Variants in MCAT observed in about 807,000 individuals in gnomAD.
The protein encoded by MCAT is malonyl-CoA-acyl carrier protein transacylase, mitochondrial.
A neutral mutation model predicts 22.9 loss-of-function variants in MCAT; 22 were observed. The ratio of observed to expected loss-of-function variants is 0.96; its 90% CI spans 0.69 to 1.37. The LOEUF (loss-of-function observed/expected upper bound fraction) is 1.37, where lower values mean the gene tolerates loss of function less well. Ranked by LOEUF, MCAT falls within the 40% of genes most tolerant of loss-of-function variation. The pLI, the probability that MCAT is intolerant of heterozygous loss-of-function variation, is 0.00. For synonymous variants in MCAT, 240 were observed against 233.9 expected (o/e 1.03, Z -0.24); for missense variants, 534 against 533.6 (o/e 1.00, Z -0.01).
At position 43,141,072 on chromosome 22, in the gene MCAT, G is replaced by A. The variant is rs116938228; in HGVS notation, c.511+90C>T. On this transcript the variant is annotated intron_variant, in intron 2 of 3. Transcript: ENST00000290429. ...TCCATGTGCTCCCTTCCCATCACCT[G>A]AGTGGGTCCAGTATCATTTTTGGCA... 7.0e-4 allele frequency: 685 copies of A among 977,704 alleles called. 9 individuals carry two copies. The East Asian group carries it at 0.01, about 15-fold the overall frequency. The allele number at this position is 977,704 out of a possible 1,614,324, so 60.6% of individuals were successfully genotyped here.
rs539043248 is a variant in MCAT, at chr22:43,134,473, G to C, written c.730-987C>G. On this transcript the variant is annotated intron_variant, in intron 3 of 3. Transcript: ENST00000290429. ...AGCAATGCTCCTGCCTCAGCCTCCCGAGTAGCTGGGACTATAAGCATGTAC... is the reference window on the plus strand; with the variant it reads ...AGCAATGCTCCTGCCTCAGCCTCCCCAGTAGCTGGGACTATAAGCATGTAC... 3.2e-4 allele frequency among the ~76,000 whole-genome samples: 49 copies of C among 152,212 alleles called. 1 individual carries two copies. The highest frequency in any genetic ancestry group is 4.6e-4 in the Admixed American group (7 of 15,288).
At chr22:43,134,392 G>C (rs984965783) in intron 3 of MCAT, among the ~76,000 whole-genome samples, 3 of 152,128 alleles carry the variant, frequency 2.0e-5, no homozygotes, top group Non-Finnish European at 4.4e-5. Flanking sequence ...CTGTCACCCA[G>C]GCTGGAGTGC....
chr22:43,142,878 C>A, intron 1 of MCAT, 48 bp downstream of exon 1: 1 of 1,441,004 alleles, frequency 6.9e-7, no homozygotes. Context: ...GCCAAGAGCT[C>A]AGGCAGAGCT....
At chr22:43,140,000 GA>G (rs1930724777) in intron 2 of MCAT, among the ~76,000 whole-genome samples, 1 of 152,082 alleles carries the variant, frequency 6.6e-6, no homozygotes, top group Admixed American at 6.5e-5. Context: ...GCACTGCAGT[GA>G]AATTCACATA....
chr22:43,133,288 C>G lies in MCAT; in HGVS notation c.928G>C (p.Gly310Arg), dbSNP rs144085201. The change falls in exon 4 of 4, where the codon GGG becomes CGG. Residue 310 changes from glycine to arginine, a missense_variant. Coordinates refer to ENST00000290429, the MANE Select transcript of MCAT (RefSeq NM_173467.5). ...NVHAHRYRHP[G>R]HIHKLLAQQL... ...TGGGCCAGCAGCTTGTGGATGTGCC[C>G]GGGATGCCTGTATCTATGCGCGTGG... is the stretch of plus-strand genomic sequence containing the variant. 2 of 1,614,166 alleles carry G rather than the reference C, an allele frequency of 1.2e-6. No homozygotes were observed. The highest frequency in any genetic ancestry group is 1.7e-6 in the Non-Finnish European group (2 of 1,180,018).
At chr22:43,136,520 G>T in intron 3 of MCAT, among the ~76,000 whole-genome samples, 1 of 152,246 alleles carries the variant, frequency 6.6e-6, no homozygotes, top group East Asian at 1.9e-4. Context: ...TGAGTAGCCA[G>T]CCAGACCCTC....
chr22:43,135,171 T>C (rs1010428955), intron 3 of MCAT, among the ~76,000 whole-genome samples: 1 of 152,222 alleles, frequency 6.6e-6, no homozygotes, highest in African/African-American at 2.4e-5. Flanking sequence ...GGGGTACCCC[T>C]GCCCTCACCT....
At position 43,133,340 on chromosome 22, in the gene MCAT, C is replaced by T. The variant is rs1342739605; in HGVS notation, c.876G>A (p.Lys292=). The T allele has an allele frequency of 6.2e-7, 1 of 1,614,062 alleles. No individual in the cohort carries two copies. The highest frequency in any genetic ancestry group is 1.3e-5 in the African/African-American group (1 of 74,910). The change falls in exon 4 of 4, where the codon AAG becomes AAA. Residue 292 remains lysine, a synonymous_variant. Transcript: ENST00000290429. ...CGTTGGAGTAGACAGAAACCAGAGG[C>T]TTCTTAATGTCGACTGCCTTTAAAG... ...TQALKAVDIK[K]PLVSVYSNVH... is the part of the protein sequence containing the mutation.
chr22:43,132,430 A>C lies in MCAT; in HGVS notation c.*613T>G, dbSNP rs1930472460. On this transcript the variant is annotated 3_prime_UTR_variant, in exon 4 of 4. Coordinates refer to ENST00000290429, the MANE Select transcript of MCAT (RefSeq NM_173467.5). ...ACTCCCCACACCCCGCACCTCACTC[A>C]AGGACCTTTCTACCAGAACAGAGCG... 6.5e-6 allele frequency: 1 copy of C among 153,490 alleles called. No homozygotes were observed. Among genetic ancestry groups the C allele is most frequent in the Non-Finnish European group, 1.4e-5 (1 of 69,006 alleles). The allele number at this position is 153,490 out of a possible 1,614,324, so 9.5% of individuals were successfully genotyped here.
chr22:43,143,019 C>CG lies in MCAT; in HGVS notation c.329dup (p.Gln111AlafsTer34), dbSNP rs773896604. Reference sequence around the variant, plus strand: ...GCACGGTGCGGTCCAGGGTCTCCTGCGGCCCGTGCAGGCTCAGTTCCAGCA... The same window carrying CG: ...GCACGGTGCGGTCCAGGGTCTCCTGCGGGCCCGTGCAGGCTCAGTTCCAGCA... On this transcript the variant is annotated frameshift_variant, in exon 1 of 4. Transcript: ENST00000290429. LOFTEE classifies it high-confidence loss of function. The CG allele has an allele frequency of 6.2e-7, 1 of 1,609,124 alleles. No individual in the cohort carries two copies. Among genetic ancestry groups the CG allele is most frequent in the Non-Finnish European group, 8.5e-7 (1 of 1,178,440 alleles).
intron 2 of MCAT, among the ~76,000 whole-genome samples, chr22:43,138,606 G>A (rs1404075525): frequency 6.6e-6 from 1 of 152,152 alleles, no homozygotes; most frequent in East Asian, 1.9e-4. Flanking sequence ...GCGTGGCAGT[G>A]TGCGCCTGTG....
chr22:43,137,593 G>A (rs548081233), intron 2 of MCAT, among the ~76,000 whole-genome samples: 3 of 152,330 alleles, frequency 2.0e-5, no homozygotes, highest in South Asian at 2.1e-4. Context: ...GTCCGGAGAC[G>A]TTTTCCGGTT....
chr22:43,135,341 A>G (rs1454902322), intron 3 of MCAT, among the ~76,000 whole-genome samples: 1 of 152,112 alleles, frequency 6.6e-6, no homozygotes, highest in Non-Finnish European at 1.5e-5. Context: ...CGTCTCTAAT[A>G]AAAATACAAA....
At position 43,137,239 on chromosome 22, in the gene MCAT, TG is replaced by T. The variant is rs765236447; in HGVS notation, c.570del (p.Ser191ValfsTer28). 5 of 1,614,188 alleles carry T rather than the reference TG, an allele frequency of 3.1e-6. No individual in the cohort carries two copies. The South Asian group carries it at 4.4e-5, about 14-fold the overall frequency. ...EAMQEASEAV[P>X]SGMLSVLGQP... is the part of the protein sequence containing the mutation. The stretch of plus-strand genomic sequence containing the variant: ...TGGCCGAGGACAGACAGCATCCCAC[TG>T]GGGACAGCTTCTGAAGCTTCCTGCA... On this transcript the variant is annotated frameshift_variant, in exon 3 of 4. Coordinates refer to ENST00000290429, the MANE Select transcript of MCAT (RefSeq NM_173467.5). LOFTEE classifies it high-confidence loss of function.
chr22:43,134,962 GC>G (rs2147032652), intron 3 of MCAT, among the ~76,000 whole-genome samples: 1 of 152,354 alleles, frequency 6.6e-6, no homozygotes, highest in Admixed American at 6.5e-5. Context: ...GTCTCAAAGT[GC>G]TTTCCGTGTA....
At position 43,142,440 on chromosome 22, in the gene MCAT, C is replaced by G. The variant is rs536001638; in HGVS notation, c.423+486G>C. Among the ~76,000 whole-genome samples, 4 of 151,864 alleles carry G rather than the reference C, an allele frequency of 2.6e-5. No individual in the cohort carries two copies. In the South Asian group the frequency reaches 8.3e-4, roughly 32 times the overall value. ...AGGCAGAGGTTGCAGTGAGCCAAGA[C>G]TGCGCCATTGCACTCCAGCCTGGGT... On this transcript the variant is annotated intron_variant, in intron 1 of 3. Coordinates refer to ENST00000290429, the MANE Select transcript of MCAT (RefSeq NM_173467.5).
At chr22:43,133,989 A>G (rs538510787) in intron 3 of MCAT, among the ~76,000 whole-genome samples, 8 of 151,912 alleles carry the variant, frequency 5.3e-5, no homozygotes, top group African/African-American at 1.9e-4. Flanking sequence ...GTATTAGCTG[A>G]TCTCCAGACC....
rs375249540 is a variant in MCAT at position 43,138,270 on chromosome 22, G to GCTA, written c.512-975_512-973dup. 2.0e-5 allele frequency among the ~76,000 whole-genome samples: 3 copies of GCTA among 152,120 alleles called. No individual in the cohort carries two copies. The East Asian group carries it at 5.8e-4, about 30-fold the overall frequency. The stretch of plus-strand genomic sequence containing the variant: ...CAAAAAAGAACCATCAGAGACATGG[G>GCTA]CTACTGTACTACATGAATTTCAGTG... On this transcript the variant is annotated intron_variant, in intron 2 of 3. Coordinates refer to ENST00000290429, the MANE Select transcript of MCAT (RefSeq NM_173467.5).
At chr22:43,136,079 C>CA (rs1300617649) in intron 3 of MCAT, among the ~76,000 whole-genome samples, 2 of 152,038 alleles carry the variant, frequency 1.3e-5, no homozygotes, top group South Asian at 2.1e-4. Flanking sequence ...CCCGTCTCTA[C>CA]AAAAAAATAC....
Sources: allele counts gnomAD v4.1 joint callset (sites outside exome capture counted in the v4.1 genomes callset), GRCh38; gene constraint gnomAD v4.1.1; transcripts MANE v1.5; gene names NCBI Gene and HGNC (gene_info 2026-07-23, HGNC 2026-07-21).